C5orf47: variants seen among roughly 807,000 people sequenced by gnomAD.
C5orf47 encodes the protein uncharacterized protein C5orf47.
C5orf47 carries 20 observed loss-of-function variants against 20.6 expected under a neutral mutation model. That is an observed-to-expected ratio of 0.97 (90% confidence interval 0.68 to 1.41). The LOEUF (loss-of-function observed/expected upper bound fraction) is 1.41, where lower values mean the gene tolerates loss of function less well. Ranked by LOEUF, C5orf47 falls within the 40% of genes most tolerant of loss-of-function variation. The pLI is 0.00. For synonymous variants in C5orf47, 106 were observed against 97.3 expected (o/e 1.09, Z -0.53); for missense variants, 262 against 238.4 (o/e 1.10, Z -0.65).
chr5:174,007,900 T>A (rs1374055554), downstream of C5orf47, among the ~76,000 whole-genome samples: 2 of 152,166 alleles, frequency 1.3e-5, no homozygotes, highest in Non-Finnish European at 2.9e-5. Context: ...AAGAGATCTG[T>A]ATTGCTTGTT....
At chr5:174,000,359 T>C (rs1475082978) in intron 3 of C5orf47, among the ~76,000 whole-genome samples, 1 of 152,118 alleles carries the variant, frequency 6.6e-6, no homozygotes, top group Non-Finnish European at 1.5e-5. Flanking sequence ...AAATTAGATG[T>C]AGTCTGGTGT....
At chr5:174,003,443 G>C (rs1042846485) in intron 4 of C5orf47, among the ~76,000 whole-genome samples, 2 of 152,138 alleles carry the variant, frequency 1.3e-5, no homozygotes, top group Non-Finnish European at 2.9e-5. Context: ...GAAGTCAGGA[G>C]AAAGGACTCA....
intron 4 of C5orf47, among the ~76,000 whole-genome samples, chr5:174,001,901 C>CT (rs1491002326): frequency 6.6e-6 from 1 of 150,754 alleles, no homozygotes; most frequent in African/African-American, 2.4e-5. Flanking sequence ...CTACTTATTT[C>CT]TTTTTTTGTC....
intron 1 of C5orf47, 93 bp downstream of exon 1, chr5:173,989,681 A>C: frequency 8.8e-7 from 1 of 1,132,402 alleles, no homozygotes; most frequent in Non-Finnish European, 1.2e-6. Context: ...GGCACGCAGG[A>C]GGCTGGGGGC....
rs189463891 is a variant in C5orf47, at chr5:174,000,763, C to A, written c.512-433C>A. ...GATAATGTGTTTCACTTTGCTTATC[C>A]ATTTAAGAAGGAGAATGAGGTGGGG... On this transcript the variant is annotated intron_variant, in intron 3 of 4. Transcript: ENST00000340147. Among the ~76,000 whole-genome samples, 672 of 152,168 alleles carry A rather than the reference C, an allele frequency of 4.4e-3. 4 individuals carry two copies. The highest frequency in any genetic ancestry group is 0.019 in the South Asian group (94 of 4,830).
At chr5:174,008,582 C>T (rs1759326858), downstream of C5orf47, among the ~76,000 whole-genome samples, 2 of 152,124 alleles carry the variant, frequency 1.3e-5, no homozygotes, top group Admixed American at 1.3e-4. Flanking sequence ...CCTGTAATCC[C>T]AGCACTTTGG....
chr5:174,008,822 C>CAAAA (rs57488841), downstream of C5orf47, among the ~76,000 whole-genome samples: 11 of 75,278 alleles, frequency 1.5e-4, no homozygotes, highest in East Asian at 5.2e-4. Context: ...GACTCCATCT[C>CAAAA]AAAAAAAAAA....
At chr5:173,995,692 G>A (rs1249770988) in intron 1 of C5orf47, among the ~76,000 whole-genome samples, 1 of 152,218 alleles carries the variant, frequency 6.6e-6, no homozygotes, top group Non-Finnish European at 1.5e-5. Context: ...TGACTTGAAG[G>A]GAAGATGGTG....
intron 1 of C5orf47, among the ~76,000 whole-genome samples, chr5:173,996,113 T>A (rs1171926737): frequency 6.6e-6 from 1 of 152,218 alleles, no homozygotes; most frequent in Non-Finnish European, 1.5e-5. Context: ...AGGGAAGGCT[T>A]TATGATAGTG....
At position 173,989,493 on chromosome 5, in the gene C5orf47, T is replaced by G. The variant is rs1270607041; in HGVS notation, c.230T>G (p.Val77Gly). Residue 77 changes from valine to glycine, a missense_variant, in exon 1 of 5, where the codon GTC (valine) becomes GGC (glycine). Coordinates refer to ENST00000340147, the MANE Select transcript of C5orf47 (RefSeq NM_001144954.2). ...CTGCCCCTCGGTTCCCAGCTCAGGG[T>G]CCCCACGACCCCTGGTGTGGAGGCT... ...SELPLGSQLR[V>G]PTTPGVEAAA... The G allele has an allele frequency of 1.9e-6, 3 of 1,546,360 alleles. No homozygotes were observed. The South Asian group carries it at 3.6e-5, about 19-fold the overall frequency.
chr5:174,006,613 A>G (rs537174701), downstream of C5orf47, among the ~76,000 whole-genome samples: 10 of 152,234 alleles, frequency 6.6e-5, no homozygotes, highest in Non-Finnish European at 1.3e-4. Context: ...TTATGGGAGT[A>G]AACTTATAAA....
intron 3 of C5orf47, among the ~76,000 whole-genome samples, chr5:174,000,497 T>C (rs1204902269): frequency 6.6e-6 from 1 of 152,176 alleles, no homozygotes; most frequent in Non-Finnish European, 1.5e-5. Flanking sequence ...CATTTCTTTC[T>C]TTAACATGTC....
chr5:173,990,127 T>G (rs1758963817), intron 1 of C5orf47, among the ~76,000 whole-genome samples: 1 of 82,856 alleles, frequency 1.2e-5, no homozygotes, highest in African/African-American at 4.7e-5. Flanking sequence ...GGAAGCCAAT[T>G]TTTTTTTTTT....
Position 173,989,248 on chromosome 5 carries a change from G to A in C5orf47, c.-16G>A, listed in dbSNP as rs1013570229. On this transcript the variant is annotated 5_prime_UTR_variant, in exon 1 of 5. Transcript: ENST00000340147. ...CGTGTTTGCTGAGGGCCCGGCTGCC[G>A]TTGACTGAGGCTGCGATGGCGGCGG... The A allele has an allele frequency of 8.7e-6, 12 of 1,379,354 alleles. No individual in the cohort carries two copies. Among genetic ancestry groups the A allele is most frequent in the South Asian group, 5.1e-5 (3 of 58,378 alleles). The allele number at this position is 1,379,354 out of a possible 1,614,324, so 85.4% of individuals were successfully genotyped here.
Position 173,989,340 on chromosome 5 carries a change from G to T in C5orf47, c.77G>T (p.Cys26Phe). 1 of 1,496,096 alleles carries T rather than the reference G, an allele frequency of 6.7e-7. No homozygotes were observed. Among genetic ancestry groups the T allele is most frequent in the South Asian group, 1.3e-5 (1 of 75,470 alleles). 92.7% of individuals were successfully genotyped at this position (1,496,096 alleles called of 1,614,324 possible). A position where few individuals can be genotyped will look rare whatever the true frequency, so the allele number is the denominator to read the frequency against. ...GTGACGCGCTTCGGCTCGCATCAGT[G>T]CAGTGGCGTCCTGCAACTGGGCGGC... Reference protein sequence around the residue: ...VYVTRFGSHQCSGVLQLGGRG... With the variant: ...VYVTRFGSHQFSGVLQLGGRG... The change falls in exon 1 of 5, where the codon TGC becomes TTC. Residue 26 changes from cysteine (C) to phenylalanine (F), a missense_variant. Transcript: ENST00000340147.
intron 1 of C5orf47, among the ~76,000 whole-genome samples, chr5:173,991,129 A>T (rs1021867181): frequency 2.0e-5 from 3 of 152,106 alleles, no homozygotes; most frequent in African/African-American, 7.2e-5. Flanking sequence ...TGAATCATAG[A>T]GTATGTGGGC....
At chr5:174,002,519 A>G (rs1406580299) in intron 4 of C5orf47, among the ~76,000 whole-genome samples, 1 of 152,158 alleles carries the variant, frequency 6.6e-6, no homozygotes, top group Admixed American at 6.5e-5. Context: ...TGATTAGGCT[A>G]ATACAAAGCA....
At position 173,998,194 on chromosome 5, in the gene C5orf47, A is replaced by C; in HGVS notation, c.367A>C (p.Ile123Leu). 1 of 1,543,144 alleles carries C rather than the reference A, an allele frequency of 6.5e-7. No homozygotes were observed. Among genetic ancestry groups the C allele is most frequent in the Non-Finnish European group, 8.8e-7 (1 of 1,142,582 alleles). Residue 123 changes from isoleucine (I) to leucine (L), a missense_variant, in exon 2 of 5, where the codon ATA becomes CTA. Coordinates refer to ENST00000340147, the MANE Select transcript of C5orf47 (RefSeq NM_001144954.2). ...TGCAGCTAAAAAGTATGATTTTCCC[A>C]TACCATTGAATGAAGCTTCCAAAAT... Reference protein sequence around the residue: ...KDAAKKYDFPIPLNEASKIMK... With the variant: ...KDAAKKYDFPLPLNEASKIMK...
chr5:173,998,287 C>G, intron 2 of C5orf47, 49 bp downstream of exon 2: 1 of 947,062 alleles, frequency 1.1e-6, no homozygotes, highest in East Asian at 2.7e-5. Flanking sequence ...TTAGATCATC[C>G]TCTCTAAATA....
Sources: allele counts gnomAD v4.1 joint callset (sites outside exome capture counted in the v4.1 genomes callset), GRCh38; gene constraint gnomAD v4.1.1; transcripts MANE v1.5; gene names NCBI Gene and HGNC (gene_info 2026-07-23, HGNC 2026-07-21).